OSTN: variants seen among roughly 807,000 people sequenced by gnomAD.
The protein encoded by OSTN is osteocrin.
Under a neutral mutation model 12.0 loss-of-function variants are expected in OSTN, and 9 were observed. That is an observed-to-expected ratio of 0.75 (90% CI 0.45 to 1.30). The LOEUF (loss-of-function observed/expected upper bound fraction) is 1.30, where lower values mean the gene tolerates loss of function less well. OSTN is among the 50% of genes most tolerant of loss of function. The pLI, the probability that OSTN is intolerant of heterozygous loss-of-function variation, is 0.00. For missense variants in OSTN, 148 were observed against 152.3 expected (o/e 0.97, Z 0.15); for synonymous variants, 59 against 56.9 (o/e 1.04, Z -0.16).
chr3:191,256,450 T>A (rs1200539627), intron 4 of OSTN, among the ~76,000 whole-genome samples: 1 of 152,122 alleles, frequency 6.6e-6, no homozygotes, highest in East Asian at 1.9e-4. Context: ...AAGTTTAAAA[T>A]CCTTGATATC....
intron 3 of OSTN, among the ~76,000 whole-genome samples, chr3:191,240,745 C>G (rs4687199): frequency 0.032 from 4,804 of 152,360 alleles, 160 homozygotes; most frequent in Middle Eastern, 0.15. Context: ...GGCAGGAAGT[C>G]TCTGTTCCTC....
In OSTN at chr3:191,264,995, G is replaced by T. The variant is rs1715890585; in HGVS notation, c.*2142G>T. On this transcript the variant is annotated 3_prime_UTR_variant, in exon 5 of 5. Transcript: ENST00000682035. ...TAATATACACACAATTTCCATGAAG[G>T]GAAGAAAATGTTTTCTCCACTTATA... 6.6e-6 allele frequency: 1 copy of T among 151,808 alleles called. No individual in the cohort carries two copies. The highest frequency in any genetic ancestry group is 6.6e-5 in the Admixed American group (1 of 15,224). 9.4% of individuals were successfully genotyped at this position (151,808 alleles called of 1,614,324 possible).
chr3:191,231,068 C>A (rs1054374160), intron 3 of OSTN, among the ~76,000 whole-genome samples: 2 of 152,070 alleles, frequency 1.3e-5, no homozygotes, highest in Non-Finnish European at 2.9e-5. Flanking sequence ...AAGTTAAATT[C>A]CAAGGACACT....
chr3:191,262,175 G>A (rs762886102), intron 4 of OSTN, among the ~76,000 whole-genome samples: 10 of 152,192 alleles, frequency 6.6e-5, no homozygotes, highest in Admixed American at 3.9e-4. Flanking sequence ...CTGAGGTCGC[G>A]CACCATTGCA....
chr3:191,237,340 C>T lies in OSTN; in HGVS notation c.318-12697C>T, dbSNP rs567642383. 6.6e-5 allele frequency among the ~76,000 whole-genome samples: 10 copies of T among 152,320 alleles called. No homozygotes were observed. In the South Asian group the frequency reaches 2.1e-3, roughly 32 times the overall value. ...GTATCCATGATATATGGATTTCTATCCTAACGGGACTGCAGCTATCTCAAT... is the reference window on the plus strand; with the variant it reads ...GTATCCATGATATATGGATTTCTATTCTAACGGGACTGCAGCTATCTCAAT... On this transcript the variant is annotated intron_variant, in intron 3 of 4. Transcript: ENST00000682035.
At chr3:191,258,500 A>G (rs7645892) in intron 4 of OSTN, among the ~76,000 whole-genome samples, 96,126 of 151,216 alleles carry the variant, frequency 0.64, 31,667 homozygotes, top group African/African-American at 0.83. Flanking sequence ...GGGGCGTAGG[A>G]GGCAAGGGGA....
intron 2 of OSTN, among the ~76,000 whole-genome samples, chr3:191,216,664 C>T (rs1000525941): frequency 7.9e-5 from 12 of 152,184 alleles, no homozygotes; most frequent in African/African-American, 2.9e-4. Flanking sequence ...TTCAAAGTTC[C>T]ACAGATCTCT....
intron 4 of OSTN, among the ~76,000 whole-genome samples, chr3:191,259,852 C>CTTTTT (rs372562335): frequency 2.8e-4 from 37 of 132,530 alleles, no homozygotes; most frequent in Non-Finnish European, 2.9e-4. Flanking sequence ...ATGTATCCTT[C>CTTTTT]TTTTTTTTTT....
intron 3 of OSTN, among the ~76,000 whole-genome samples, chr3:191,235,819 C>G (rs1038159335): frequency 1.3e-5 from 2 of 152,184 alleles, no homozygotes; most frequent in Admixed American, 1.3e-4. Flanking sequence ...AACCCACATC[C>G]TTGACTCTCA....
At chr3:191,247,456 T>C (rs573413365) in intron 3 of OSTN, among the ~76,000 whole-genome samples, 1 of 152,258 alleles carries the variant, frequency 6.6e-6, no homozygotes, top group Admixed American at 6.5e-5. Context: ...TTCCTAGTTT[T>C]TTTCTCACCG....
chr3:191,263,545 AGGG>A lies in OSTN; in HGVS notation c.*694_*696del, dbSNP rs1029104763. On this transcript the variant is annotated 3_prime_UTR_variant, in exon 5 of 5. Coordinates refer to ENST00000682035, the MANE Select transcript of OSTN (RefSeq NM_198184.2). ...TTAAGAGCAGTAGTGTCTCATTAGG[AGGG>A]GAGTAAGCTCACACAGAGGTAAAAA... is the stretch of plus-strand genomic sequence containing the variant. 11 of 152,272 alleles carry A rather than the reference AGGG, an allele frequency of 7.2e-5. No individual in the cohort carries two copies. Among genetic ancestry groups the A allele is most frequent in the African/African-American group, 2.4e-4 (10 of 41,550 alleles). The allele number at this position is 152,272 out of a possible 1,614,324, so 9.4% of individuals were successfully genotyped here. A position where few individuals can be genotyped will look rare whatever the true frequency, so the allele number is the denominator to read the frequency against.
intron 3 of OSTN, among the ~76,000 whole-genome samples, chr3:191,233,259 A>G (rs1715106967): frequency 6.6e-6 from 1 of 152,126 alleles, no homozygotes; most frequent in South Asian, 2.1e-4. Flanking sequence ...GTTGTTTCCT[A>G]TTTTGTATTG....
At chr3:191,228,401 T>G (rs886810346) in intron 3 of OSTN, among the ~76,000 whole-genome samples, 1 of 152,214 alleles carries the variant, frequency 6.6e-6, no homozygotes, top group South Asian at 2.1e-4. Flanking sequence ...TTCAACATTT[T>G]GCAGCATATT....
chr3:191,209,959 C>T (rs1035010873), intron 1 of OSTN, among the ~76,000 whole-genome samples: 3 of 152,122 alleles, frequency 2.0e-5, no homozygotes, highest in Non-Finnish European at 4.4e-5. Flanking sequence ...TGGCAGCTAC[C>T]TGTATTAGTC....
rs1193080060 is a variant in OSTN, at chr3:191,205,596, C to T, written c.-1+6289C>T. ...TCTACTAAAATTAAGATCATGATTA[C>T]TGAGAAAATATTCAAATGATTATTT... On this transcript the variant is annotated intron_variant, in intron 1 of 4. Transcript: ENST00000682035. 5.5e-5 allele frequency among the ~76,000 whole-genome samples: 8 copies of T among 144,248 alleles called. No homozygotes were observed. In the East Asian group the frequency reaches 1.2e-3, roughly 22 times the overall value. The allele number at this position is 144,248 out of a possible 152,430, so 94.6% of individuals were successfully genotyped here. A position where few individuals can be genotyped will look rare whatever the true frequency, so the allele number is the denominator to read the frequency against.
At chr3:191,260,211 T>A (rs1715776340) in intron 4 of OSTN, among the ~76,000 whole-genome samples, 1 of 152,108 alleles carries the variant, frequency 6.6e-6, no homozygotes, top group Non-Finnish European at 1.5e-5. Context: ...CTAATTTTTT[T>A]TTTTTAATTT....
At chr3:191,220,092 C>T (rs1044378446) in intron 3 of OSTN, among the ~76,000 whole-genome samples, 2 of 152,188 alleles carry the variant, frequency 1.3e-5, no homozygotes, top group African/African-American at 2.4e-5. Context: ...TCTTCTTGTA[C>T]TCATTTTCAC....
chr3:191,223,860 A>G (rs1714838224), intron 3 of OSTN, among the ~76,000 whole-genome samples: 1 of 152,174 alleles, frequency 6.6e-6, no homozygotes, highest in Non-Finnish European at 1.5e-5. Flanking sequence ...GTGGATGGCT[A>G]TAACTTGCCT....
intron 3 of OSTN, among the ~76,000 whole-genome samples, chr3:191,235,188 TG>T (rs1382630055): frequency 6.6e-6 from 1 of 152,208 alleles, no homozygotes; most frequent in East Asian, 1.9e-4. Context: ...CAGGTATTAA[TG>T]GCTCTACTGG....
Sources: gnomAD v4.1 joint callset for allele counts (sites outside exome capture counted in the v4.1 genomes callset) on GRCh38, gnomAD v4.1.1 for gene constraint, MANE v1.5 for transcripts, NCBI Gene and HGNC (gene_info 2026-07-23, HGNC 2026-07-21) for gene names.